The following CYRIB variants were observed in gnomAD, a reference collection of about 807,000 sequenced individuals.
CYRIB encodes the protein CYFIP related Rac1 interactor B.
A neutral mutation model predicts 44.2 loss-of-function variants in CYRIB; 8 were observed. That is an observed-to-expected ratio of 0.18 (90% CI 0.11 to 0.33). The LOEUF (loss-of-function observed/expected upper bound fraction) is 0.33. Ranked by LOEUF, CYRIB falls within the 10% of genes least tolerant of loss-of-function variation. CYRIB has a pLI of 1.00. For missense variants in CYRIB, 185 were observed against 382.8 expected (o/e 0.48, Z 4.31); for synonymous variants, 131 against 127.2 (o/e 1.03, Z -0.20).
intron 3 of CYRIB, 29 bp downstream of exon 5, chr8:129,879,360 G>A (rs2060133678): frequency 1.3e-6 from 2 of 1,499,520 alleles, no homozygotes; most frequent in South Asian, 2.3e-5. Context: ...TGCAGGCAAA[G>A]AGAAATAGAT....
chr8:129,981,717 G>A (rs529961600), intron 1 of CYRIB, among the ~76,000 whole-genome samples: 1 of 152,302 alleles, frequency 6.6e-6, no homozygotes, highest in South Asian at 2.1e-4. Flanking sequence ...CACGCCTGGG[G>A]CCTGGGAGTG....
chr8:129,975,183 T>G (rs148864900), intron 1 of CYRIB, among the ~76,000 whole-genome samples: 142 of 152,088 alleles, frequency 9.3e-4, no homozygotes, highest in Non-Finnish European at 1.7e-3. Flanking sequence ...CTGACCTAAT[T>G]TTTTTTATTT....
chr8:129,892,646 ACG>A (rs1379597576), intron 2 of CYRIB, among the ~76,000 whole-genome samples: 1 of 152,200 alleles, frequency 6.6e-6, no homozygotes, highest in East Asian at 1.9e-4. Flanking sequence ...CTGATGTAAA[ACG>A]CAAGAGCAAT....
At chr8:129,920,544 C>A (rs540674013) in intron 1 of CYRIB, among the ~76,000 whole-genome samples, 1 of 152,044 alleles carries the variant, frequency 6.6e-6, no homozygotes, top group African/African-American at 2.4e-5. Flanking sequence ...AGATAGTCAC[C>A]CACAAACAGA....
intron 1 of CYRIB, among the ~76,000 whole-genome samples, chr8:130,016,074 G>C (rs2097336531): frequency 6.6e-6 from 1 of 150,934 alleles, no homozygotes; most frequent in Admixed American, 6.6e-5. Context: ...CAGCTGGGTG[G>C]ACCCGGGCGG....
At chr8:129,946,798 C>T (rs1259612969) in intron 2 of CYRIB, among the ~76,000 whole-genome samples, 1 of 152,174 alleles carries the variant, frequency 6.6e-6, no homozygotes, top group African/African-American at 2.4e-5. Context: ...TTCCCCAACC[C>T]TTCAGGTGAC....
chr8:129,877,616 T>C (rs943987024), intron 3 of CYRIB, among the ~76,000 whole-genome samples: 3 of 147,700 alleles, frequency 2.0e-5, no homozygotes, highest in African/African-American at 5.1e-5. Context: ...GCCACTGCAC[T>C]CTAGTCTGGG....
chr8:129,949,558 C>T (rs1239141377), intron 2 of CYRIB, among the ~76,000 whole-genome samples: 1 of 152,044 alleles, frequency 6.6e-6, no homozygotes, highest in African/African-American at 2.4e-5. Context: ...CCCTCAGTGA[C>T]CAAGCTCCAC....
At chr8:129,948,946 G>A (rs1325896493) in intron 2 of CYRIB, 3 of 152,334 alleles carry the variant, frequency 2.0e-5, no homozygotes, top group Admixed American at 6.5e-5. Context: ...ACAGTGGTGT[G>A]AGCCTGTGGT....
chr8:129,892,629 C>T (rs1332884243), intron 2 of CYRIB, among the ~76,000 whole-genome samples: 8 of 151,370 alleles, frequency 5.3e-5, no homozygotes, highest in South Asian at 4.2e-4. Context: ...TTCAAAATTA[C>T]ACTAGGCTGA....
intron 4 of CYRIB, among the ~76,000 whole-genome samples, chr8:129,866,484 T>C (rs2053651709): frequency 6.6e-6 from 1 of 150,880 alleles, no homozygotes; most frequent in Admixed American, 6.6e-5. Flanking sequence ...AGATCTAAAT[T>C]CCTTTCTACT....
chr8:129,862,089 C>G (rs2050058680), intron 5 of CYRIB, 140 bp downstream of exon 7: 1 of 605,764 alleles, frequency 1.7e-6, no homozygotes, highest in African/African-American at 1.9e-5. Flanking sequence ...TATAATCTTA[C>G]AGTCTAACAA....
intron 2 of CYRIB, among the ~76,000 whole-genome samples, chr8:129,892,401 T>A (rs978123649): frequency 2.0e-5 from 3 of 152,226 alleles, no homozygotes; most frequent in Non-Finnish European, 2.9e-5. Context: ...ATGAATTTTA[T>A]TTCATGTCAA....
rs556391283 is a variant in CYRIB, at chr8:129,959,243, G to C, written c.-243+11700C>G. Among the ~76,000 whole-genome samples, 87 of 145,540 alleles carry C rather than the reference G, an allele frequency of 6.0e-4. 3 individuals carry two copies. The highest frequency in any genetic ancestry group is 2.3e-3 in the African/African-American group (86 of 37,042). On this transcript the variant is annotated intron_variant, in intron 2 of 14. Coordinates refer to the CYRIB transcript ENST00000401979. ...CCATCACAAAAAAGCAGAGGAAGTA[G>C]TGTAGCAGCCCCAGCCACAGCCACA... is the stretch of plus-strand genomic sequence containing the variant.
At chr8:130,008,997 C>T (rs1409797609) in intron 1 of CYRIB, among the ~76,000 whole-genome samples, 1 of 152,196 alleles carries the variant, frequency 6.6e-6, no homozygotes, top group Non-Finnish European at 1.5e-5. Context: ...AATTACTGAG[C>T]ACTCACTGAT....
At chr8:129,860,044 C>T (rs1236852170) in intron 5 of CYRIB, among the ~76,000 whole-genome samples, 1 of 152,078 alleles carries the variant, frequency 6.6e-6, no homozygotes, top group East Asian at 1.9e-4. Context: ...GAAGTATAAC[C>T]CATGGTGTAT....
intron 1 of CYRIB, among the ~76,000 whole-genome samples, chr8:129,919,177 A>T (rs776840964): frequency 5.5e-4 from 84 of 152,258 alleles, no homozygotes; most frequent in Admixed American, 1.4e-3. Flanking sequence ...CTACAGATAG[A>T]TATAGTTTTT....
chr8:130,003,304 C>A (rs148181372), intron 1 of CYRIB, among the ~76,000 whole-genome samples: 4 of 152,224 alleles, frequency 2.6e-5, no homozygotes, highest in African/African-American at 7.2e-5. Context: ...GGAAAGATTC[C>A]CAAAGTGGGT....
At chr8:129,968,562 A>C (rs1210746276) in intron 2 of CYRIB, among the ~76,000 whole-genome samples, 2 of 152,160 alleles carry the variant, frequency 1.3e-5, no homozygotes, top group Admixed American at 6.5e-5. Context: ...GGTCATTCTC[A>C]CTGTGGGAGT....
Sources: allele counts gnomAD v4.1 joint callset (sites outside exome capture counted in the v4.1 genomes callset), GRCh38; gene constraint gnomAD v4.1.1; transcripts MANE v1.5; gene names NCBI Gene and HGNC (gene_info 2026-07-23, HGNC 2026-07-21).